Variants in PIGW observed in about 807,000 individuals in gnomAD.
The protein encoded by PIGW is glucosaminyl-phosphatidylinositol-acyltransferase PIGW.
In PIGW, 23 loss-of-function variants were observed where a neutral mutation model predicts 34.0. That is an observed-to-expected ratio of 0.68 (90% CI 0.49 to 0.96). The LOEUF is 0.96. Ranked by LOEUF, PIGW falls within the 40% of genes least tolerant of loss-of-function variation. The probability of loss-of-function intolerance (pLI) is 0.00; values close to 1 mark genes in which losing one functional copy is unlikely to be tolerated. For missense variants in PIGW, 574 were observed against 586.3 expected, an observed-to-expected ratio of 0.98 and a Z score of 0.22; for synonymous variants, 225 against 225.2, an observed-to-expected ratio of 1.00 and a Z score of 0.01.
At position 36,537,354 on chromosome 17, in the gene PIGW, G is replaced by T. The variant is rs117789606; in HGVS notation, c.253G>T (p.Gly85Cys). ...WASFILLELLGVIIFGAGLLY... is the reference protein window; with the variant it reads ...WASFILLELLCVIIFGAGLLY... ...TTCATTTATCCTCCTTGAGCTTCTCGGTGTAATTATCTTTGGGGCAGGGCT... is the reference window on the plus strand; with the variant it reads ...TTCATTTATCCTCCTTGAGCTTCTCTGTGTAATTATCTTTGGGGCAGGGCT... Residue 85 changes from glycine to cysteine, a missense_variant, in exon 2 of 2, where the codon GGT becomes TGT. Gly to Cys is a radical substitution (Grantham distance 159). Transcript: ENST00000614443. The T allele has an allele frequency of 3.1e-6, 5 of 1,613,622 alleles. No individual in the cohort carries two copies. The highest frequency in any genetic ancestry group is 4.2e-6 in the Non-Finnish European group (5 of 1,180,018).
chr17:36,538,641 A>G lies in PIGW; in HGVS notation c.*25A>G. On this transcript the variant is annotated 3_prime_UTR_variant, in exon 2 of 2. Coordinates refer to ENST00000614443, the MANE Select transcript of PIGW (RefSeq NM_001346754.2). ...ATCAGCAGGAGTAGGATATATAAGT[A>G]TTTGGGCAATATTTAATGAGGAATA... 5 of 1,491,634 alleles carry G rather than the reference A, an allele frequency of 3.4e-6. No individual in the cohort carries two copies. The highest frequency in any genetic ancestry group is 4.6e-6 in the Non-Finnish European group (5 of 1,095,674). The allele number at this position is 1,491,634 out of a possible 1,614,324, so 92.4% of individuals were successfully genotyped here.
Position 36,535,070 on chromosome 17 carries a change from AC to A in PIGW, c.-528del, listed in dbSNP as rs2074055732. ...TTCAACTACGGTGAGATGTTTTGCG[AC>A]CCTGGGGTAAAATGAGGGTAAAGCG... On this transcript the variant is annotated 5_prime_UTR_variant, in exon 1 of 2. It introduces an in-frame stop codon into an upstream open reading frame of the 5' UTR. Coordinates refer to ENST00000614443, the MANE Select transcript of PIGW (RefSeq NM_001346754.2). 6.6e-6 allele frequency: 1 copy of A among 152,172 alleles called. No homozygotes were observed. Among genetic ancestry groups the A allele is most frequent in the Non-Finnish European group, 1.5e-5 (1 of 68,066 alleles). The allele number at this position is 152,172 out of a possible 1,614,324, so 9.4% of individuals were successfully genotyped here. A position where few individuals can be genotyped will look rare whatever the true frequency, so the allele number is the denominator to read the frequency against.
intron 1 of PIGW, among the ~76,000 whole-genome samples, chr17:36,536,628 C>CCT (rs2074136399): frequency 6.7e-6 from 1 of 150,172 alleles, no homozygotes; most frequent in Non-Finnish European, 1.5e-5. Context: ...GATTCTCCTG[C>CCT]CTCAGCCTCT....
At chr17:36,536,609 G>A (rs1236234946) in intron 1 of PIGW, among the ~76,000 whole-genome samples, 1 of 137,718 alleles carries the variant, frequency 7.3e-6, no homozygotes, top group Admixed American at 8.3e-5. Context: ...CTGCTTCCCC[G>A]GTTCAACCGA....
In PIGW at chr17:36,537,629, TG is replaced by T; in HGVS notation, c.531del (p.Ser178LeufsTer6). 6.2e-7 allele frequency: 1 copy of T among 1,614,160 alleles called. No homozygotes were observed. Among genetic ancestry groups the T allele is most frequent in the Non-Finnish European group, 8.5e-7 (1 of 1,180,022 alleles). The part of the protein sequence containing the change: ...MDFGVGGFVF[G>X]SAMVCLEVRR... ...ATTTTGGAGTAGGTGGCTTTGTTTT[TG>T]GGTCTGCAATGGTTTGTCTAGAGGT... On this transcript the variant is annotated frameshift_variant, in exon 2 of 2. Transcript: ENST00000614443. LOFTEE classifies it high-confidence loss of function.
Position 36,538,659 on chromosome 17 carries a change from G to A in PIGW, c.*43G>A. 1 of 1,410,026 alleles carries A rather than the reference G, an allele frequency of 7.1e-7. No individual in the cohort carries two copies. The highest frequency in any genetic ancestry group is 9.7e-7 in the Non-Finnish European group (1 of 1,030,952). The allele number at this position is 1,410,026 out of a possible 1,614,324, so 87.3% of individuals were successfully genotyped here. On this transcript the variant is annotated 3_prime_UTR_variant, in exon 2 of 2. Coordinates refer to ENST00000614443, the MANE Select transcript of PIGW (RefSeq NM_001346754.2). ...TATAAGTATTTGGGCAATATTTAAT[G>A]AGGAATATTAATTGTAAAGAAATTG...
Position 36,535,419 on chromosome 17 carries a change from AT to A in PIGW, c.-181del, listed in dbSNP as rs2074080444. 2 of 152,238 alleles carry A rather than the reference AT, an allele frequency of 1.3e-5. No homozygotes were observed. The highest frequency in any genetic ancestry group is 4.1e-4 in the South Asian group (2 of 4,834). The allele number at this position is 152,238 out of a possible 1,614,324, so 9.4% of individuals were successfully genotyped here. ...ACGGGACACTGGCACGAGCGCCATG[AT>A]GGGCGGAGACGCGCGGAATCGGCCG... On this transcript the variant is annotated 5_prime_UTR_variant, in exon 1 of 2. It removes an upstream start codon present in the reference 5' UTR. Transcript: ENST00000614443.
In PIGW at chr17:36,537,527, T is replaced by A; in HGVS notation, c.426T>A (p.Ile142=). The stretch of plus-strand genomic sequence containing the variant: ...TAATTACCAGTGCGTTTACTGCTAT[T>A]GCTATTTTGGCTGTGGACTTCCCAC... ...FRVITSAFTA[I]AILAVDFPLF... is the part of the protein sequence containing the mutation. Residue 142 remains isoleucine (I), a synonymous_variant, in exon 2 of 2, where the codon ATT becomes ATA. Transcript: ENST00000614443. 1 of 1,614,230 alleles carries A rather than the reference T, an allele frequency of 6.2e-7. No individual in the cohort carries two copies. The highest frequency in any genetic ancestry group is 8.5e-7 in the Non-Finnish European group (1 of 1,180,044).
chr17:36,535,459 A>T lies in PIGW; in HGVS notation c.-142A>T, dbSNP rs901538057. On this transcript the variant is annotated 5_prime_UTR_variant, in exon 1 of 2. Coordinates refer to ENST00000614443, the MANE Select transcript of PIGW (RefSeq NM_001346754.2). ...CGGAATCGGCCGGCCCGGAAGTGCC[A>T]GCTGCCTGCGTCGGCCGGAAGTGCC... 1 of 152,252 alleles carries T rather than the reference A, an allele frequency of 6.6e-6. No homozygotes were observed. The highest frequency in any genetic ancestry group is 1.5e-5 in the Non-Finnish European group (1 of 68,070). The allele number at this position is 152,252 out of a possible 1,614,324, so 9.4% of individuals were successfully genotyped here.
At chr17:36,535,871 C>T (rs1420133955) in intron 1 of PIGW, among the ~76,000 whole-genome samples, 2 of 151,834 alleles carry the variant, frequency 1.3e-5, no homozygotes, top group African/African-American at 4.8e-5. Flanking sequence ...CTCTCTCCTC[C>T]CAAAGCGCTA....
chr17:36,538,342 T>C lies in PIGW; in HGVS notation c.1241T>C (p.Ile414Thr), dbSNP rs201893415. The C allele has an allele frequency of 1.9e-4, 312 of 1,614,072 alleles. No homozygotes were observed. The highest frequency in any genetic ancestry group is 2.5e-4 in the Non-Finnish European group (300 of 1,180,046). ...CTAGTACCATGTTCTTGGAAACTTA[T>C]CCAGTCACCTGTTACAAATAAAAAG... ...GALVPCSWKL[I>T]QSPVTNKKHS... is the part of the protein sequence containing the mutation. Residue 414 changes from isoleucine (I) to threonine (T), a missense_variant, in exon 2 of 2, where the codon ATC becomes ACC. Transcript: ENST00000614443.
chr17:36,535,718 C>G (rs1186657734), intron 1 of PIGW, 126 bp downstream of exon 1: 3 of 152,218 alleles, frequency 2.0e-5, no homozygotes, highest in African/African-American at 7.2e-5. Flanking sequence ...AGTGCAGTGG[C>G]GCGATCTCGG....
Position 36,537,893 on chromosome 17 carries a change from T to C in PIGW, c.792T>C (p.Ile264=), listed in dbSNP as rs1567809068. The part of the protein sequence containing the change: ...IIFPLNKSWI[I]ALGITVLYQL... ...TTCCCCTAAATAAGTCCTGGATTAT[T>C]GCCCTCGGCATTACTGTATTATACC... Residue 264 remains isoleucine (I), a synonymous_variant, in exon 2 of 2, where the codon ATT becomes ATC. Coordinates refer to ENST00000614443, the MANE Select transcript of PIGW (RefSeq NM_001346754.2). The C allele has an allele frequency of 6.2e-7, 1 of 1,614,150 alleles. No individual in the cohort carries two copies. The highest frequency in any genetic ancestry group is 8.5e-7 in the Non-Finnish European group (1 of 1,180,032).
In PIGW at chr17:36,537,500, T is replaced by A. The variant is rs1254935694; in HGVS notation, c.399T>A (p.Arg133=). 3.3e-5 allele frequency: 53 copies of A among 1,614,114 alleles called. No homozygotes were observed. Among genetic ancestry groups the A allele is most frequent in the Non-Finnish European group, 4.4e-5 (52 of 1,180,044 alleles). The part of the protein sequence containing the change: ...SEYNPAISCF[R]VITSAFTAIA... Reference sequence around the variant, plus strand: ...ACAATCCAGCCATCTCCTGTTTCCGTGTAATTACCAGTGCGTTTACTGCTA... The same window carrying A: ...ACAATCCAGCCATCTCCTGTTTCCGAGTAATTACCAGTGCGTTTACTGCTA... Residue 133 remains arginine, a synonymous_variant, in exon 2 of 2, where the codon CGT becomes CGA. Coordinates refer to ENST00000614443, the MANE Select transcript of PIGW (RefSeq NM_001346754.2).
chr17:36,537,855 CTGT>C lies in PIGW; in HGVS notation c.757_759del (p.Leu253del), dbSNP rs2074164208. 6.2e-7 allele frequency: 1 copy of C among 1,614,042 alleles called. No individual in the cohort carries two copies. Among genetic ancestry groups the C allele is most frequent in the African/African-American group, 1.3e-5 (1 of 75,006 alleles). The stretch of plus-strand genomic sequence containing the variant: ...AGTTGTGAAATTGATAACACCACTG[CTGT>C]TGATTATTTTTCCCCTAAATAAGTC... On this transcript the variant is annotated inframe_deletion, in exon 2 of 2. Coordinates refer to ENST00000614443, the MANE Select transcript of PIGW (RefSeq NM_001346754.2).
In PIGW at chr17:36,537,810, A is replaced by G; in HGVS notation, c.709A>G (p.Asn237Asp). ...EHLTEYGVHW[N>D]FFFTIIVVKL... ...TTTAACAGAGTATGGAGTTCACTGG[A>G]ACTTTTTCTTTACCATAATAGTTGT... Residue 237 changes from asparagine to aspartate, a missense_variant, in exon 2 of 2, where the codon AAC becomes GAC. By Grantham distance (23) the Asn-to-Asp change is conservative. Coordinates refer to ENST00000614443, the MANE Select transcript of PIGW (RefSeq NM_001346754.2). The G allele has an allele frequency of 6.2e-7, 1 of 1,614,118 alleles. No individual in the cohort carries two copies. The highest frequency in any genetic ancestry group is 8.5e-7 in the Non-Finnish European group (1 of 1,180,016).
rs1190420210 is a variant in PIGW, at chr17:36,535,096, G to A, written c.-505G>A. 1 of 152,030 alleles carries A rather than the reference G, an allele frequency of 6.6e-6. No individual in the cohort carries two copies. Among genetic ancestry groups the A allele is most frequent in the African/African-American group, 2.4e-5 (1 of 41,204 alleles). 9.4% of individuals were successfully genotyped at this position (152,030 alleles called of 1,614,324 possible). On this transcript the variant is annotated 5_prime_UTR_variant, in exon 1 of 2. Coordinates refer to ENST00000614443, the MANE Select transcript of PIGW (RefSeq NM_001346754.2). ...CCCTGGGGTAAAATGAGGGTAAAGC[G>A]GCAGCTTCCCACGTTCTGGGGGAGA...
Position 36,537,384 on chromosome 17 carries a change from T to A in PIGW, c.283T>A (p.Tyr95Asn). 1 of 1,614,040 alleles carries A rather than the reference T, an allele frequency of 6.2e-7. No homozygotes were observed. The highest frequency in any genetic ancestry group is 8.5e-7 in the Non-Finnish European group (1 of 1,180,028). The change falls in exon 2 of 2, where the codon TAT becomes AAT. Residue 95 changes from tyrosine (Y) to asparagine (N), a missense_variant. Tyr to Asn is a moderately radical substitution (Grantham distance 143, BLOSUM62 -2). Transcript: ENST00000614443. The part of the protein sequence containing the change: ...GVIIFGAGLL[Y>N]QIYRRRTCYA... ...AATTATCTTTGGGGCAGGGCTGTTG[T>A]ATCAAATATACCGAAGGAGGACCTG...
At position 36,537,881 on chromosome 17, in the gene PIGW, G is replaced by C. The variant is rs1158643556; in HGVS notation, c.780G>C (p.Lys260Asn). ...TGTTGATTATTTTTCCCCTAAATAA[G>C]TCCTGGATTATTGCCCTCGGCATTA... ...PLLLIIFPLNKSWIIALGITV... is the reference protein window; with the variant it reads ...PLLLIIFPLNNSWIIALGITV... The change falls in exon 2 of 2, where the codon AAG becomes AAC. Residue 260 changes from lysine (K) to asparagine (N), a missense_variant. Lys to Asn is a moderately conservative substitution (Grantham distance 94, BLOSUM62 0). Transcript: ENST00000614443. 6.2e-7 allele frequency: 1 copy of C among 1,613,954 alleles called. No homozygotes were observed. The highest frequency in any genetic ancestry group is 1.7e-5 in the Admixed American group (1 of 60,002).
Sources: allele counts gnomAD v4.1 joint callset (sites outside exome capture counted in the v4.1 genomes callset), GRCh38; gene constraint gnomAD v4.1.1; transcripts MANE v1.5; gene names NCBI Gene and HGNC (gene_info 2026-07-23, HGNC 2026-07-21).